EFCAB11: variants seen among roughly 807,000 people sequenced by gnomAD.
EFCAB11 encodes the protein EF-hand calcium binding domain 11, also known as EF-hand calcium-binding domain-containing protein 11.
Under a neutral mutation model 23.0 loss-of-function variants are expected in EFCAB11, and 14 were observed. The ratio of observed to expected loss-of-function variants is 0.61; its 90% CI spans 0.40 to 0.95. The LOEUF (loss-of-function observed/expected upper bound fraction) is 0.95, where lower values mean the gene tolerates loss of function less well. EFCAB11 is among the 40% of genes least tolerant of loss of function. EFCAB11 has a pLI of 0.00. For missense variants in EFCAB11, 198 were observed against 195.8 expected, an observed-to-expected ratio of 1.01 and a Z score of -0.07; for synonymous variants, 65 against 66.6, an observed-to-expected ratio of 0.98 and a Z score of 0.11.
Position 89,954,570 on chromosome 14 carries a change from C to G in EFCAB11, c.75+16G>C. On this transcript the variant is annotated intron_variant, in intron 1 of 5. Coordinates refer to ENST00000316738, the MANE Select transcript of EFCAB11 (RefSeq NM_145231.4). ...CAAGCTGAAGTCCGAGGCTCAGTCG[C>G]CCTCCGGAAACCTACTTCCACCCAC... is the stretch of plus-strand genomic sequence containing the variant. The G allele has an allele frequency of 6.2e-7, 1 of 1,613,088 alleles. No homozygotes were observed. The highest frequency in any genetic ancestry group is 8.5e-7 in the Non-Finnish European group (1 of 1,179,620).
intron 5 of EFCAB11, among the ~76,000 whole-genome samples, chr14:89,826,564 A>G (rs780959905): frequency 3.3e-5 from 5 of 152,050 alleles, no homozygotes; most frequent in Non-Finnish European, 7.4e-5. Context: ...TAAGAAAGGG[A>G]GAGCAGGAAG....
At chr14:89,819,542 C>A (rs546890720) in intron 5 of EFCAB11, among the ~76,000 whole-genome samples, 5 of 152,202 alleles carry the variant, frequency 3.3e-5, no homozygotes, top group African/African-American at 9.6e-5. Flanking sequence ...TGGTCAGCCT[C>A]CAGAGTAGCT....
chr14:89,825,093 T>C (rs1886644759), intron 5 of EFCAB11, among the ~76,000 whole-genome samples: 1 of 128,132 alleles, frequency 7.8e-6, no homozygotes, highest in African/African-American at 3.1e-5. Context: ...CCAAGATAGA[T>C]GCTGGGACCA....
At chr14:89,926,638 A>G (rs1209547277) in intron 5 of EFCAB11, among the ~76,000 whole-genome samples, 1 of 152,256 alleles carries the variant, frequency 6.6e-6, no homozygotes, top group African/African-American at 2.4e-5. Flanking sequence ...GCAAGCAATT[A>G]AAATAAAAAT....
At chr14:89,885,605 A>G (rs1888729437) in intron 5 of EFCAB11, among the ~76,000 whole-genome samples, 1 of 151,242 alleles carries the variant, frequency 6.6e-6, no homozygotes, top group African/African-American at 2.4e-5. Context: ...TGAACCTGGG[A>G]GGTGGAGGTT....
At chr14:89,927,023 AAAC>A (rs1317691926) in intron 5 of EFCAB11, among the ~76,000 whole-genome samples, 2 of 152,368 alleles carry the variant, frequency 1.3e-5, no homozygotes, top group East Asian at 3.9e-4. Context: ...TCACTAAAGT[AAAC>A]ATCACCAGAA....
chr14:89,938,961 A>T (rs112115508), intron 3 of EFCAB11, among the ~76,000 whole-genome samples: 12,000 of 147,862 alleles, frequency 0.081, 1,188 homozygotes, highest in African/African-American at 0.25. Context: ...CAACAACAAC[A>T]ACAACAAAGC....
rs1485895056 is a variant in EFCAB11, at chr14:89,924,730, T to C, written c.410+6811A>G. 2.8e-5 allele frequency: 43 copies of C among 1,528,214 alleles called. 1 individual carries two copies. The South Asian group carries it at 4.2e-4, about 15-fold the overall frequency. 94.7% of individuals were successfully genotyped at this position (1,528,214 alleles called of 1,614,324 possible). ...GAGATTAATTCATGAAAATCACATG[T>C]AGACAGAGGAAAATGGAAAGCAAAG... On this transcript the variant is annotated intron_variant, in intron 5 of 5. Transcript: ENST00000316738.
intron 5 of EFCAB11, among the ~76,000 whole-genome samples, chr14:89,865,887 C>T (rs1396582770): frequency 7.2e-5 from 11 of 151,944 alleles, no homozygotes; most frequent in South Asian, 4.2e-4. Context: ...AGGCTGGTCT[C>T]GAACTCTTGA....
chr14:89,834,159 A>AGGTCAGGAGATAGAAACCACG (rs1225349368), intron 5 of EFCAB11, among the ~76,000 whole-genome samples: 4 of 151,590 alleles, frequency 2.6e-5, no homozygotes, highest in Non-Finnish European at 4.4e-5. Flanking sequence ...TAGAGACCAC[A>AGGTCAGGAGATAGAAACCACG]AGGTCAGGAG....
intron 5 of EFCAB11, among the ~76,000 whole-genome samples, chr14:89,862,071 AC>A: frequency 6.6e-6 from 1 of 152,216 alleles, no homozygotes; most frequent in African/African-American, 2.4e-5. Flanking sequence ...CATCTGGATC[AC>A]ACTCTCTTGC....
At chr14:89,933,985 T>C (rs116201180) in intron 3 of EFCAB11, among the ~76,000 whole-genome samples, 12 of 152,056 alleles carry the variant, frequency 7.9e-5, no homozygotes, top group Admixed American at 5.9e-4. Context: ...GAGGCTGTTG[T>C]GTGGCAAGGT....
intron 5 of EFCAB11, among the ~76,000 whole-genome samples, chr14:89,917,400 T>G (rs1889885021): frequency 6.6e-6 from 1 of 152,200 alleles, no homozygotes; most frequent in Non-Finnish European, 1.5e-5. Context: ...GATTCCTCCA[T>G]GCTGTTGCAA....
chr14:89,856,220 G>C (rs1887748767), intron 5 of EFCAB11, among the ~76,000 whole-genome samples: 1 of 123,152 alleles, frequency 8.1e-6, no homozygotes, highest in African/African-American at 3.0e-5. Flanking sequence ...ACAAGATCTT[G>C]CTTTGTCATC....
chr14:89,954,285 T>C, intron 1 of EFCAB11: 1 of 1,462,500 alleles, frequency 6.8e-7, no homozygotes, highest in Non-Finnish European at 9.3e-7. Context: ...CAAAATTCAG[T>C]CCTGGAGTTA....
At chr14:89,895,888 C>T (rs1027445511) in intron 5 of EFCAB11, among the ~76,000 whole-genome samples, 4 of 151,956 alleles carry the variant, frequency 2.6e-5, no homozygotes, top group East Asian at 1.9e-4. Flanking sequence ...TTAACTAGAC[C>T]GAATATTTGT....
chr14:89,897,170 A>G (rs907377132), intron 5 of EFCAB11, among the ~76,000 whole-genome samples: 27 of 151,912 alleles, frequency 1.8e-4, no homozygotes, highest in African/African-American at 6.1e-4. Flanking sequence ...AAGATTAAAC[A>G]TTAGAGAAAC....
chr14:89,881,007 C>T (rs1301209519), intron 5 of EFCAB11, among the ~76,000 whole-genome samples: 1 of 152,084 alleles, frequency 6.6e-6, no homozygotes, highest in Non-Finnish European at 1.5e-5. Context: ...ATGGGTGGTA[C>T]CACAGAAATC....
intron 2 of EFCAB11, among the ~76,000 whole-genome samples, chr14:89,950,377 A>G (rs996577014): frequency 3.9e-5 from 6 of 152,272 alleles, no homozygotes; most frequent in African/African-American, 1.4e-4. Context: ...ACTTTATTCC[A>G]TTGACCAAAA....
Sources: allele counts gnomAD v4.1 joint callset (sites outside exome capture counted in the v4.1 genomes callset), GRCh38; gene constraint gnomAD v4.1.1; transcripts MANE v1.5; gene names NCBI Gene and HGNC (gene_info 2026-07-23, HGNC 2026-07-21).